The following ZNF430 variants were observed in gnomAD, a reference collection of about 807,000 sequenced individuals.
The protein encoded by ZNF430 is zinc finger protein 430.
In ZNF430, 35 loss-of-function variants were observed where a neutral mutation model predicts 56.7. That is an observed-to-expected ratio of 0.62 (90% CI 0.47 to 0.82). ZNF430 has a LOEUF of 0.82. Ranked by LOEUF, ZNF430 falls within the 40% of genes least tolerant of loss-of-function variation. The pLI is 0.00. For synonymous variants in ZNF430, 212 were observed against 224.3 expected (o/e 0.94, Z 0.49); for missense variants, 574 against 661.0 (o/e 0.87, Z 1.44).
At chr19:21,024,127 C>T (rs979829136) in intron 2 of ZNF430, among the ~76,000 whole-genome samples, 1 of 152,102 alleles carries the variant, frequency 6.6e-6, no homozygotes, top group Non-Finnish European at 1.5e-5. Context: ...ATTACAGGCC[C>T]AGTTAGTTTT....
intron 4 of ZNF430, among the ~76,000 whole-genome samples, chr19:21,053,261 AG>A (rs1183886636): frequency 6.6e-6 from 1 of 151,938 alleles, no homozygotes; most frequent in South Asian, 2.1e-4. Context: ...GGCAGGAAGG[AG>A]GGGGGTGATG....
At chr19:21,030,608 G>T (rs973650486) in intron 2 of ZNF430, among the ~76,000 whole-genome samples, 2 of 152,130 alleles carry the variant, frequency 1.3e-5, no homozygotes, top group Non-Finnish European at 2.9e-5. Context: ...GGTTTTATTT[G>T]TACCAGAAGT....
chr19:21,046,186 G>A (rs1482905030), intron 4 of ZNF430, among the ~76,000 whole-genome samples: 2 of 152,038 alleles, frequency 1.3e-5, no homozygotes, highest in African/African-American at 4.8e-5. Context: ...GCCTGTCATG[G>A]TAGTGCTCAT....
intron 2 of ZNF430, among the ~76,000 whole-genome samples, chr19:21,023,087 A>C (rs373447113): frequency 2.2e-4 from 33 of 152,330 alleles, no homozygotes; most frequent in African/African-American, 7.9e-4. Flanking sequence ...GTGACAGAAA[A>C]AATAGTATCC....
At chr19:21,048,794 G>A (rs1312628285) in intron 4 of ZNF430, among the ~76,000 whole-genome samples, 3 of 151,986 alleles carry the variant, frequency 2.0e-5, no homozygotes, top group East Asian at 1.9e-4. Context: ...CGGACGGGGC[G>A]GCTGGCCGGG....
chr19:21,058,144 C>T lies in ZNF430; in HGVS notation c.*123C>T. On this transcript the variant is annotated 3_prime_UTR_variant, in exon 5 of 5. Coordinates refer to ENST00000261560, the MANE Select transcript of ZNF430 (RefSeq NM_025189.4). ...GCCTTCAACAAGTCCTCAATTCTTACCAGACATAAGATAATTCTGGCTGGG... is the reference window on the plus strand; with the variant it reads ...GCCTTCAACAAGTCCTCAATTCTTATCAGACATAAGATAATTCTGGCTGGG... 1 of 934,882 alleles carries T rather than the reference C, an allele frequency of 1.1e-6. No individual in the cohort carries two copies. The highest frequency in any genetic ancestry group is 1.6e-6 in the Non-Finnish European group (1 of 636,410). The allele number at this position is 934,882 out of a possible 1,614,324, so 57.9% of individuals were successfully genotyped here.
At chr19:21,056,539 A>T in intron 4 of ZNF430, 92 bp from the exon 5 acceptor site, 2 of 909,406 alleles carry the variant, frequency 2.2e-6, no homozygotes, top group Non-Finnish European at 3.1e-6. Flanking sequence ...CATCTTGTTT[A>T]TGTAGTTTGT....
chr19:21,050,767 C>T (rs1006643115), intron 4 of ZNF430, among the ~76,000 whole-genome samples: 3 of 152,048 alleles, frequency 2.0e-5, no homozygotes, highest in African/African-American at 7.2e-5. Context: ...GTGGCTCATG[C>T]CTGTAATCCC....
At chr19:21,045,168 G>A (rs1968167361) in intron 4 of ZNF430, among the ~76,000 whole-genome samples, 1 of 151,924 alleles carries the variant, frequency 6.6e-6, no homozygotes, top group South Asian at 2.1e-4. Context: ...GTAATGTTAG[G>A]GTGTCATTTT....
intron 2 of ZNF430, among the ~76,000 whole-genome samples, chr19:21,032,015 C>G (rs1040975508): frequency 6.6e-6 from 1 of 152,088 alleles, no homozygotes; most frequent in Non-Finnish European, 1.5e-5. Context: ...ATAATCGGCA[C>G]TACTAAAAAT....
chr19:21,054,434 A>G (rs959614775), intron 4 of ZNF430, among the ~76,000 whole-genome samples: 5 of 150,790 alleles, frequency 3.3e-5, no homozygotes, highest in South Asian at 2.1e-4. Context: ...CTTGATAGCT[A>G]TTTTTTTCAG....
chr19:21,028,927 G>A (rs1055058570), intron 2 of ZNF430, among the ~76,000 whole-genome samples: 30 of 151,158 alleles, frequency 2.0e-4, no homozygotes, highest in Admixed American at 6.6e-4. Context: ...CTTGTGATCC[G>A]CCCACCTCAG....
chr19:21,034,375 T>C, intron 4 of ZNF430, 191 bp downstream of exon 4: 1 of 449,726 alleles, frequency 2.2e-6, no homozygotes, highest in East Asian at 3.5e-5. Context: ...AAGGATTCTT[T>C]CCCCTTGGTG....
At chr19:21,034,976 T>C (rs1475820125) in intron 4 of ZNF430, 2 of 152,212 alleles carry the variant, frequency 1.3e-5, no homozygotes, top group African/African-American at 2.4e-5. Flanking sequence ...TCTCGAAATA[T>C]AGTTTGAAAT....
chr19:21,055,032 T>C lies in ZNF430; in HGVS notation c.323-1599T>C, dbSNP rs139729672. 3.3e-3 allele frequency among the ~76,000 whole-genome samples: 504 copies of C among 152,174 alleles called. 2 individuals carry two copies. Among genetic ancestry groups the C allele is most frequent in the African/African-American group, 0.011 (463 of 41,548 alleles). ...TTTTTGGTATTTTTTGCCTTCATAA[T>C]TTCTGTTTTTCTGGTATTTTACATA... On this transcript the variant is annotated intron_variant, in intron 4 of 4. Coordinates refer to ENST00000261560, the MANE Select transcript of ZNF430 (RefSeq NM_025189.4).
At chr19:21,055,161 A>G (rs951744739) in intron 4 of ZNF430, among the ~76,000 whole-genome samples, 2 of 151,994 alleles carry the variant, frequency 1.3e-5, no homozygotes, top group African/African-American at 2.4e-5. Context: ...AAATTAATAT[A>G]TACATTTTTT....
At chr19:21,024,472 A>G (rs1967755094) in intron 2 of ZNF430, among the ~76,000 whole-genome samples, 1 of 152,092 alleles carries the variant, frequency 6.6e-6, no homozygotes, top group African/African-American at 2.4e-5. Flanking sequence ...CATGGGGAGG[A>G]GCAAACAAAA....
At chr19:21,037,512 C>T (rs1013188169) in intron 4 of ZNF430, among the ~76,000 whole-genome samples, 1 of 152,096 alleles carries the variant, frequency 6.6e-6, no homozygotes, top group African/African-American at 2.4e-5. Context: ...GTTGCTGCAG[C>T]CTTTTAGCTT....
rs373014008 is a variant in ZNF430 at position 21,023,310 on chromosome 19, T to C, written c.96+429T>C. Among the ~76,000 whole-genome samples the C allele has an allele frequency of 9.8e-5, 15 of 152,312 alleles. No individual in the cohort carries two copies. In the East Asian group the frequency reaches 2.7e-3, roughly 27 times the overall value. On this transcript the variant is annotated intron_variant, in intron 2 of 4. Coordinates refer to ENST00000261560, the MANE Select transcript of ZNF430 (RefSeq NM_025189.4). ...ACATGAGTCAGACACATCTGTTTTT[T>C]CATCAGCACTGCCACTCCCTGGGTT...
Sources: allele counts gnomAD v4.1 joint callset (sites outside exome capture counted in the v4.1 genomes callset), GRCh38; gene constraint gnomAD v4.1.1; transcripts MANE v1.5; gene names NCBI Gene and HGNC (gene_info 2026-07-23, HGNC 2026-07-21).